Variants in AFF4 observed in about 807,000 individuals in gnomAD.
The protein encoded by AFF4 is AF4/FMR2 family member 4.
A neutral mutation model predicts 124.8 loss-of-function variants in AFF4; 13 were observed. The observed-to-expected ratio is 0.10, with a 90% CI of 0.07 to 0.17. The LOEUF is 0.17. Ranked by LOEUF, AFF4 falls within the 10% of genes least tolerant of loss-of-function variation. The probability of loss-of-function intolerance (pLI) is 1.00; values close to 1 mark genes in which losing one functional copy is unlikely to be tolerated. For synonymous variants in AFF4, 477 were observed against 496.1 expected (o/e 0.96, Z 0.51); for missense variants, 1,092 against 1,403.8 (o/e 0.78, Z 3.55).
intron 1 of AFF4, among the ~76,000 whole-genome samples, chr5:132,961,538 C>A (rs1008740823): frequency 2.0e-5 from 3 of 151,990 alleles, no homozygotes; most frequent in African/African-American, 7.2e-5. Context: ...GAATATATTG[C>A]TACAAAAAGG....
chr5:132,946,666 A>C (rs1276931453), intron 1 of AFF4, among the ~76,000 whole-genome samples: 4 of 152,172 alleles, frequency 2.6e-5, no homozygotes, highest in Non-Finnish European at 2.9e-5. Context: ...AGAGGTGGGG[A>C]GGTTCTGTTT....
chr5:132,893,409 A>T (rs1270771197), intron 11 of AFF4, among the ~76,000 whole-genome samples: 1 of 152,184 alleles, frequency 6.6e-6, no homozygotes, highest in Non-Finnish European at 1.5e-5. Flanking sequence ...ATTAAGATAT[A>T]ATTTACATAA....
chr5:132,936,245 C>T (rs567713084), intron 2 of AFF4, among the ~76,000 whole-genome samples: 11 of 111,504 alleles, frequency 9.9e-5, no homozygotes, highest in Non-Finnish European at 1.3e-4. Flanking sequence ...CCAACCTGGG[C>T]GACAGAGCAA....
chr5:132,939,646 T>C (rs1267893359), intron 1 of AFF4, among the ~76,000 whole-genome samples: 3 of 152,234 alleles, frequency 2.0e-5, no homozygotes, highest in Non-Finnish European at 2.9e-5. Context: ...GTCTCGCTCT[T>C]GTCCCCCAGG....
intron 7 of AFF4, 83 bp from the exon 8 acceptor site, chr5:132,899,724 A>C: frequency 7.9e-7 from 1 of 1,271,352 alleles, no homozygotes; most frequent in South Asian, 1.4e-5. Context: ...TAAAAATTCT[A>C]GAAATAATCA....
At chr5:132,906,743 T>G (rs1320087426) in intron 5 of AFF4, among the ~76,000 whole-genome samples, 3 of 152,220 alleles carry the variant, frequency 2.0e-5, no homozygotes, top group Non-Finnish European at 4.4e-5. Context: ...ATCTCAGTAC[T>G]GCTGTTAAAA....
chr5:132,919,343 T>A (rs529285587), intron 5 of AFF4, among the ~76,000 whole-genome samples: 1 of 152,104 alleles, frequency 6.6e-6, no homozygotes, highest in African/African-American at 2.4e-5. Flanking sequence ...GACAAACAGG[T>A]TAATGAAACA....
chr5:132,929,723 T>C (rs1242908492), intron 4 of AFF4, among the ~76,000 whole-genome samples: 3 of 152,200 alleles, frequency 2.0e-5, no homozygotes, highest in Non-Finnish European at 2.9e-5. Flanking sequence ...GAGGTTAGGA[T>C]TGGCCTGCGG....
rs970675363 is a variant in AFF4, at chr5:132,879,258, C to T, written c.*1801G>A. 6 of 219,306 alleles carry T rather than the reference C, an allele frequency of 2.7e-5. No homozygotes were observed. The highest frequency in any genetic ancestry group is 1.1e-4 in the African/African-American group (5 of 44,596). The allele number at this position is 219,306 out of a possible 1,614,324, so 13.6% of individuals were successfully genotyped here. On this transcript the variant is annotated 3_prime_UTR_variant, in exon 21 of 21. Coordinates refer to ENST00000265343, the MANE Select transcript of AFF4 (RefSeq NM_014423.4). ...ACTTCAGAAATAAGTGTAAAAAAGT[C>T]TCAAACACAAAGGATTCACTGCACT...
intron 5 of AFF4, among the ~76,000 whole-genome samples, chr5:132,923,371 GGA>G (rs72156570): frequency 0.45 from 66,350 of 148,046 alleles, 14,958 homozygotes; most frequent in South Asian, 0.56. Context: ...AGGAAAGAAA[GGA>G]GAGAGAGAGA....
intron 20 of AFF4, among the ~76,000 whole-genome samples, chr5:132,882,211 C>T (rs1424929735): frequency 1.8e-5 from 2 of 109,656 alleles, no homozygotes; most frequent in Admixed American, 1.9e-4. Context: ...AAAACCCTGT[C>T]TCAAAAAAAA....
At position 132,880,924 on chromosome 5, in the gene AFF4, A is replaced by C; in HGVS notation, c.*135T>G. ...ATGATCGCTTTGGATTATCAAAAAC[A>C]ACAACACATGAACCAACGAGGAGAA... On this transcript the variant is annotated 3_prime_UTR_variant, in exon 21 of 21. Transcript: ENST00000265343. 1 of 1,160,952 alleles carries C rather than the reference A, an allele frequency of 8.6e-7. No homozygotes were observed. Among genetic ancestry groups the C allele is most frequent in the Non-Finnish European group, 1.2e-6 (1 of 843,208 alleles). 71.9% of individuals were successfully genotyped at this position (1,160,952 alleles called of 1,614,324 possible).
In AFF4 at chr5:132,879,181, C is replaced by T. The variant is rs1455760701; in HGVS notation, c.*1878G>A. ...TCTAAAAACAATCTGAGGTACAAAA[C>T]AGTTAAGAAGCTCTATAAATATGAG... On this transcript the variant is annotated 3_prime_UTR_variant, in exon 21 of 21. Transcript: ENST00000265343. 4.6e-6 allele frequency: 1 copy of T among 219,290 alleles called. No individual in the cohort carries two copies. Among genetic ancestry groups the T allele is most frequent in the African/African-American group, 2.2e-5 (1 of 44,570 alleles). 13.6% of individuals were successfully genotyped at this position (219,290 alleles called of 1,614,324 possible).
At chr5:132,915,882 CACTAGAT>C (rs1351791621) in intron 5 of AFF4, among the ~76,000 whole-genome samples, 1 of 151,870 alleles carries the variant, frequency 6.6e-6, no homozygotes, top group East Asian at 1.9e-4. Flanking sequence ...AAGTCACTAA[CACTAGAT>C]ACTGACCATC....
intron 6 of AFF4, 74 bp downstream of exon 6, chr5:132,904,294 T>C (rs1193366733): frequency 7.0e-6 from 9 of 1,277,820 alleles, no homozygotes; most frequent in Non-Finnish European, 9.0e-6. Flanking sequence ...TAAAGTTATA[T>C]ATGGTGTGAC....
chr5:132,934,272 A>T lies in AFF4; in HGVS notation c.793T>A (p.Ser265Thr), dbSNP rs1761368080. ...AYVRPMDGQE[S>T]MEPKLSSEHY... ...TCAGAGGACAGCTTTGGTTCCATGG[A>T]CTCCTGTCCGTCCATGGGCCGCACA... The change falls in exon 3 of 21, where the codon TCC (serine) becomes ACC (threonine). Residue 265 changes from serine (S) to threonine (T), a missense_variant. Coordinates refer to ENST00000265343, the MANE Select transcript of AFF4 (RefSeq NM_014423.4). 6.2e-7 allele frequency: 1 copy of T among 1,613,924 alleles called. No individual in the cohort carries two copies. The highest frequency in any genetic ancestry group is 8.5e-7 in the Non-Finnish European group (1 of 1,179,978).
intron 1 of AFF4, chr5:132,945,247 T>G (rs1382991374): frequency 1.3e-5 from 2 of 152,236 alleles, no homozygotes; most frequent in African/African-American, 4.8e-5. Context: ...CAGTTTTAAA[T>G]TACTAGTTTT....
At chr5:132,886,841 G>A (rs888870530) in intron 17 of AFF4, among the ~76,000 whole-genome samples, 2 of 152,146 alleles carry the variant, frequency 1.3e-5, no homozygotes, top group African/African-American at 4.8e-5. Context: ...CCCACTTCTC[G>A]CTGGTCTTCT....
chr5:132,920,542 G>A (rs1420231178), intron 5 of AFF4, among the ~76,000 whole-genome samples: 2 of 149,838 alleles, frequency 1.3e-5, no homozygotes, highest in Admixed American at 6.6e-5. Flanking sequence ...TTTTGTAGAG[G>A]TGGGGTCTTG....
Sources: gnomAD v4.1 joint callset for allele counts (sites outside exome capture counted in the v4.1 genomes callset) on GRCh38, gnomAD v4.1.1 for gene constraint, MANE v1.5 for transcripts, NCBI Gene and HGNC (gene_info 2026-07-23, HGNC 2026-07-21) for gene names.